KANSL1L: variants seen among roughly 807,000 people sequenced by gnomAD.
KANSL1L encodes KAT8 regulatory NSL complex subunit 1 like.
A neutral mutation model predicts 108.6 loss-of-function variants in KANSL1L; 25 were observed. That is an observed-to-expected ratio of 0.23 (90% CI 0.17 to 0.32). KANSL1L has a LOEUF of 0.32. KANSL1L is among the 10% of genes least tolerant of loss of function. The pLI is 1.00. For missense variants in KANSL1L, 1,137 were observed against 1,125.7 expected (o/e 1.01, Z -0.14); for synonymous variants, 405 against 395.1 (o/e 1.03, Z -0.30).
At chr2:210,147,055 A>T (rs2095270985) in intron 2 of KANSL1L, among the ~76,000 whole-genome samples, 1 of 152,202 alleles carries the variant, frequency 6.6e-6, no homozygotes, top group South Asian at 2.1e-4. Flanking sequence ...AATCTAGTAA[A>T]CACATAGTCT....
intron 5 of KANSL1L, chr2:210,088,165 A>G (rs1364737769): frequency 1.3e-5 from 2 of 152,188 alleles, no homozygotes; most frequent in Non-Finnish European, 2.9e-5. Flanking sequence ...TGAGAATGTT[A>G]TCATGGTGGT....
intron 1 of KANSL1L, among the ~76,000 whole-genome samples, chr2:210,156,579 T>C (rs1443463956): frequency 6.6e-6 from 1 of 152,070 alleles, no homozygotes; most frequent in African/African-American, 2.4e-5. Flanking sequence ...TATAGTATAG[T>C]ACCATATAAA....
chr2:210,129,274 C>T, intron 2 of KANSL1L, 102 bp from the exon 3 acceptor site: 2 of 917,996 alleles, frequency 2.2e-6, no homozygotes, highest in Non-Finnish European at 3.2e-6. Context: ...AGCAAATTTC[C>T]TTTCTACAAC....
chr2:210,037,038 G>T lies in KANSL1L; in HGVS notation c.2029+3382C>A, dbSNP rs375311744. ...CCCTAAGTGCTGGGATTACAGGTGT[G>T]GGCCACCGCACCTGACCTGCCTTAT... On this transcript the variant is annotated intron_variant, in intron 8 of 14. Coordinates refer to ENST00000281772, the MANE Select transcript of KANSL1L (RefSeq NM_152519.4). Among the ~76,000 whole-genome samples the T allele has an allele frequency of 1.7e-4, 26 of 152,126 alleles. No homozygotes were observed. In the East Asian group the frequency reaches 4.8e-3, roughly 28 times the overall value.
intron 13 of KANSL1L, among the ~76,000 whole-genome samples, 183 bp from the exon 14 acceptor site, chr2:210,024,384 T>C (rs1431589859): frequency 6.6e-6 from 1 of 152,198 alleles, no homozygotes; most frequent in Non-Finnish European, 1.5e-5. Context: ...GAAATAGTAC[T>C]TTATGAAATA....
intron 5 of KANSL1L, chr2:210,096,779 A>G (rs1242218628): frequency 1.0e-6 from 1 of 954,610 alleles, no homozygotes; most frequent in Non-Finnish European, 1.2e-6. Context: ...AGGAATGAAT[A>G]TAAAGTCGAG....
intron 7 of KANSL1L, among the ~76,000 whole-genome samples, chr2:210,041,493 T>C (rs2094163687): frequency 6.6e-6 from 1 of 152,190 alleles, no homozygotes; most frequent in Non-Finnish European, 1.5e-5. Context: ...TGGAGTGCAG[T>C]AGCATGATTC....
intron 5 of KANSL1L, among the ~76,000 whole-genome samples, chr2:210,094,630 C>T (rs533329464): frequency 4.0e-5 from 6 of 151,788 alleles, no homozygotes; most frequent in Admixed American, 2.6e-4. Context: ...ATTGTATCTC[C>T]GATTAATTTT....
At chr2:210,160,622 T>C (rs557940790) in intron 1 of KANSL1L, among the ~76,000 whole-genome samples, 10 of 152,340 alleles carry the variant, frequency 6.6e-5, no homozygotes, top group South Asian at 4.1e-4. Flanking sequence ...ATGATGCACA[T>C]GGTCTTTATA....
intron 2 of KANSL1L, among the ~76,000 whole-genome samples, chr2:210,132,577 A>G (rs555323053): frequency 2.0e-5 from 3 of 152,304 alleles, no homozygotes; most frequent in African/African-American, 7.2e-5. Context: ...AAATGAGTAC[A>G]AGCTGTTTAA....
chr2:210,171,727 A>G (rs1287970820), upstream of KANSL1L: 1 of 151,780 alleles, frequency 6.6e-6, no homozygotes, highest in Non-Finnish European at 1.5e-5. Context: ...CCGTGACAGA[A>G]AAACAAAACC....
intron 5 of KANSL1L, among the ~76,000 whole-genome samples, chr2:210,087,902 A>G (rs150431367): frequency 1.6e-3 from 250 of 152,330 alleles, no homozygotes; most frequent in Admixed American, 3.8e-3. Flanking sequence ...AATATTCTTA[A>G]CAATAAAAAT....
chr2:210,087,676 A>T lies in KANSL1L; in HGVS notation c.1550+10410T>A, dbSNP rs558615585. 4.6e-5 allele frequency among the ~76,000 whole-genome samples: 7 copies of T among 152,322 alleles called. No homozygotes were observed. The East Asian group carries it at 1.4e-3, about 29-fold the overall frequency. On this transcript the variant is annotated intron_variant, in intron 5 of 14. Transcript: ENST00000281772. ...ACAGTTCAGTAAGATAGACCAAAAA[A>T]TTCTTACTCTCCTGAAGCTTATGTT...
In KANSL1L at chr2:210,047,298, T is replaced by C. The variant is rs544041181; in HGVS notation, c.1756-3194A>G. On this transcript the variant is annotated intron_variant, in intron 6 of 14. Coordinates refer to ENST00000281772, the MANE Select transcript of KANSL1L (RefSeq NM_152519.4). ...CTTTCTTTTTGATTAACAGTTCCTC[T>C]TGTAGTCATTTCTTCTGGCACTCTA... 8.5e-5 allele frequency among the ~76,000 whole-genome samples: 13 copies of C among 152,324 alleles called. No individual in the cohort carries two copies. The South Asian group carries it at 1.9e-3, about 22-fold the overall frequency.
Position 210,147,346 on chromosome 2 carries a change from T to C in KANSL1L, c.1088+6149A>G, listed in dbSNP as rs1158836883. 2.0e-5 allele frequency among the ~76,000 whole-genome samples: 3 copies of C among 152,174 alleles called. No homozygotes were observed. The East Asian group carries it at 5.8e-4, about 29-fold the overall frequency. ...ACATGATGGCACATATCTGTAGTCCTAGCTACTCAGGCAGGAAGGATCCCT... is the reference window on the plus strand; with the variant it reads ...ACATGATGGCACATATCTGTAGTCCCAGCTACTCAGGCAGGAAGGATCCCT... On this transcript the variant is annotated intron_variant, in intron 2 of 14. Transcript: ENST00000281772.
At chr2:210,162,723 G>GATC (rs1453792198) in intron 1 of KANSL1L, among the ~76,000 whole-genome samples, 1 of 14,258 alleles carries the variant, frequency 7.0e-5, no homozygotes, top group East Asian at 0.083. Context: ...AAACTGAAAA[G>GATC]ATCATCGAGA....
intron 1 of KANSL1L, among the ~76,000 whole-genome samples, chr2:210,161,379 A>G (rs192218768): frequency 1.5e-4 from 23 of 150,238 alleles, no homozygotes; most frequent in South Asian, 2.1e-4. Flanking sequence ...ATCCATAGGG[A>G]AAAAAAAATG....
At chr2:210,130,706 T>A (rs2095111779) in intron 2 of KANSL1L, among the ~76,000 whole-genome samples, 2 of 152,174 alleles carry the variant, frequency 1.3e-5, no homozygotes, top group Admixed American at 1.3e-4. Flanking sequence ...ATACTATTCA[T>A]AGTTAACAGT....
chr2:210,081,595 G>C (rs1003689371), intron 5 of KANSL1L, among the ~76,000 whole-genome samples: 1 of 152,190 alleles, frequency 6.6e-6, no homozygotes, highest in Non-Finnish European at 1.5e-5. Context: ...GTAGTGCAGA[G>C]ACTGTGTCTA....
Sources: gnomAD v4.1 joint callset for allele counts (sites outside exome capture counted in the v4.1 genomes callset) on GRCh38, gnomAD v4.1.1 for gene constraint, MANE v1.5 for transcripts, NCBI Gene and HGNC (gene_info 2026-07-23, HGNC 2026-07-21) for gene names.